Variants in COL4A5 observed in about 807,000 individuals in gnomAD.
COL4A5 encodes the protein collagen type IV alpha 5 chain.
In COL4A5, 26 loss-of-function variants were observed where a neutral mutation model predicts 130.2. The ratio of observed to expected loss-of-function variants is 0.20; its 90% CI spans 0.15 to 0.28. The LOEUF (loss-of-function observed/expected upper bound fraction) is 0.28. Among genes scored for constraint, COL4A5 ranks in the 10% least tolerant of loss-of-function variants. The probability of loss-of-function intolerance (pLI) is 1.00; values close to 1 mark genes in which losing one functional copy is unlikely to be tolerated. For missense variants in COL4A5, 1,131 were observed against 1,344.3 expected, an observed-to-expected ratio of 0.84 and a Z score of 2.48; for synonymous variants, 496 against 439.6, an observed-to-expected ratio of 1.13 and a Z score of -1.60.
At position 108,683,864 on chromosome X, in the gene COL4A5, C is replaced by T. The variant is rs182473903; in HGVS notation, c.4216+1976C>T. Among the ~76,000 whole-genome samples the T allele has an allele frequency of 2.1e-4, 23 of 111,484 alleles. No homozygotes were observed. The East Asian group carries it at 6.4e-3, about 31-fold the overall frequency. On this transcript the variant is annotated intron_variant, in intron 47 of 52. Coordinates refer to ENST00000328300, the MANE Select transcript of COL4A5 (RefSeq NM_033380.3). ...AGAGACAACTTGGCTTACTCTTTTC[C>T]TAATTGAATACCCATTATTTCTTCA...
At chrX:108,572,409 A>G (rs2066078435) in intron 8 of COL4A5, among the ~76,000 whole-genome samples, 1 of 111,643 alleles carries the variant, frequency 9.0e-6, no homozygotes, top group African/African-American at 3.3e-5. Flanking sequence ...TAATCCACCC[A>G]CAAAATAAAC....
intron 1 of COL4A5, among the ~76,000 whole-genome samples, chrX:108,471,184 A>G (rs2064765689): frequency 8.9e-6 from 1 of 111,919 alleles, no homozygotes; most frequent in South Asian, 3.7e-4. Context: ...TCTGTGAAAA[A>G]TGACATTGAT....
In COL4A5 at chrX:108,645,179, C is replaced by T. The variant is rs112749141; in HGVS notation, c.3247-10152C>T. Among the ~76,000 whole-genome samples, 671 of 110,150 alleles carry T rather than the reference C, an allele frequency of 6.1e-3. 2 individuals are homozygous for T. Among genetic ancestry groups the T allele is most frequent in the East Asian group, 0.037 (127 of 3,444 alleles). On this transcript the variant is annotated intron_variant, in intron 36 of 52. Coordinates refer to ENST00000328300, the MANE Select transcript of COL4A5 (RefSeq NM_033380.3). ...CCTCAAGGAACTAGAGAATCAAGAA[C>T]AAATCAAACCCAAACCCAGCAGAAG...
At chrX:108,648,055 G>A (rs1179485569) in intron 36 of COL4A5, among the ~76,000 whole-genome samples, 2 of 110,411 alleles carry the variant, frequency 1.8e-5, no homozygotes, top group East Asian at 5.7e-4. Flanking sequence ...TTTTTGTTGT[G>A]TCTCTACCAG....
chrX:108,449,158 A>G (rs2147466348), intron 1 of COL4A5, among the ~76,000 whole-genome samples: 1 of 111,756 alleles, frequency 8.9e-6, no homozygotes. Flanking sequence ...CACTCACACA[A>G]CCACCTCTCC....
At chrX:108,659,970 G>C (rs369494660) in intron 37 of COL4A5, among the ~76,000 whole-genome samples, 8 of 110,402 alleles carry the variant, frequency 7.2e-5, no homozygotes, top group African/African-American at 2.6e-4. Flanking sequence ...TTCTGTTTGG[G>C]TTCATCAGAT....
chrX:108,618,618 TAA>T (rs1215979362), intron 30 of COL4A5, among the ~76,000 whole-genome samples: 2 of 111,783 alleles, frequency 1.8e-5, no homozygotes, highest in Non-Finnish European at 3.8e-5. Context: ...ATGCCTAAAA[TAA>T]GTTTTTTCAC....
chrX:108,678,472 C>T (rs1034939834), intron 44 of COL4A5, among the ~76,000 whole-genome samples: 1 of 111,308 alleles, frequency 9.0e-6, no homozygotes, highest in Non-Finnish European at 1.9e-5. Context: ...CTGCTATACC[C>T]CTTTACCACT....
At chrX:108,660,121 C>T (rs1045183629) in intron 37 of COL4A5, among the ~76,000 whole-genome samples, 1 of 111,592 alleles carries the variant, frequency 9.0e-6, no homozygotes, top group Non-Finnish European at 1.9e-5. Flanking sequence ...TATGTGACTT[C>T]ACATATAATG....
At chrX:108,574,174 C>T (rs1251246236) in intron 9 of COL4A5, among the ~76,000 whole-genome samples, 1 of 110,733 alleles carries the variant, frequency 9.0e-6, no homozygotes, top group African/African-American at 3.3e-5. Flanking sequence ...ATTAGGAGGT[C>T]AATTTCTTAG....
At chrX:108,627,897 CTTA>C (rs1253426256) in intron 36 of COL4A5, among the ~76,000 whole-genome samples, 1 of 110,671 alleles carries the variant, frequency 9.0e-6, no homozygotes, top group East Asian at 2.8e-4. Flanking sequence ...TGGAATGCAT[CTTA>C]TTATGATGGA....
chrX:108,685,962 T>C, intron 47 of COL4A5, 69 bp from the exon 48 acceptor site: 1 of 918,354 alleles, frequency 1.1e-6, no homozygotes. Context: ...GAGAACCTTA[T>C]GTCTCCTAGA....
At chrX:108,673,322 C>A (rs1182882766) in intron 42 of COL4A5, among the ~76,000 whole-genome samples, 2 of 111,652 alleles carry the variant, frequency 1.8e-5, no homozygotes, top group Non-Finnish European at 3.8e-5. Context: ...AAAAATAGAT[C>A]CTAGGTCTTC....
chrX:108,476,080 T>C, intron 1 of COL4A5, among the ~76,000 whole-genome samples: 1 of 111,427 alleles, frequency 9.0e-6, no homozygotes, highest in Non-Finnish European at 1.9e-5. Flanking sequence ...GTACTACCTG[T>C]AGGTTTTAAG....
At chrX:108,459,102 G>A (rs1276515605) in intron 1 of COL4A5, among the ~76,000 whole-genome samples, 2 of 111,865 alleles carry the variant, frequency 1.8e-5, no homozygotes, top group East Asian at 2.8e-4. Context: ...AAATGGTATC[G>A]TGTTTTATTT....
intron 15 of COL4A5, 42 bp from the exon 16 acceptor site, chrX:108,580,941 C>T (rs754252480): frequency 8.6e-7 from 1 of 1,160,495 alleles, no homozygotes; most frequent in Non-Finnish European, 1.2e-6. Context: ...TCCTAACTAA[C>T]AAATGTATGT....
chrX:108,559,151 A>C lies in COL4A5; in HGVS notation c.229A>C (p.Lys77Gln). The stretch of plus-strand genomic sequence containing the variant: ...AGGGCCTCCGGGGCCTCGGGGACAA[A>C]AGGTATGTATCATGTTGCCAACCAG... ...PEGPPGPRGQ[K>Q]GDDGIPGPPG... Residue 77 changes from lysine (K) to glutamine (Q), a missense_variant and splice_region_variant, in exon 3 of 53, where the codon AAG becomes CAG. Coordinates refer to ENST00000328300, the MANE Select transcript of COL4A5 (RefSeq NM_033380.3). 1 of 1,198,750 alleles carries C rather than the reference A, an allele frequency of 8.3e-7. No homozygotes were observed. Among genetic ancestry groups the C allele is most frequent in the East Asian group, 3.0e-5 (1 of 33,807 alleles).
At chrX:108,496,519 A>G (rs1048248113) in intron 1 of COL4A5, among the ~76,000 whole-genome samples, 1 of 111,704 alleles carries the variant, frequency 9.0e-6, no homozygotes, top group Non-Finnish European at 1.9e-5. Context: ...ATTTGAGAAG[A>G]ATGTGCATTC....
chrX:108,658,885 A>G (rs2067897549), intron 37 of COL4A5, among the ~76,000 whole-genome samples: 1 of 111,054 alleles, frequency 9.0e-6, no homozygotes, highest in Non-Finnish European at 1.9e-5. Flanking sequence ...TTTGTTTTCT[A>G]TTCCATTGAT....
Sources: gnomAD v4.1 joint callset for allele counts (sites outside exome capture counted in the v4.1 genomes callset) on GRCh38, gnomAD v4.1.1 for gene constraint, MANE v1.5 for transcripts, NCBI Gene and HGNC (gene_info 2026-07-23, HGNC 2026-07-21) for gene names.